VIP: variants seen among roughly 807,000 people sequenced by gnomAD.
The protein encoded by VIP is vasoactive intestinal peptide.
Under a neutral mutation model 20.1 loss-of-function variants are expected in VIP, and 18 were observed. The ratio of observed to expected loss-of-function variants is 0.90; its 90% CI spans 0.62 to 1.33. The LOEUF (loss-of-function observed/expected upper bound fraction) is 1.33. Ranked by LOEUF, VIP falls within the 40% of genes most tolerant of loss-of-function variation. The pLI, the probability that VIP is intolerant of heterozygous loss-of-function variation, is 0.00. For synonymous variants in VIP, 70 were observed against 68.1 expected, an observed-to-expected ratio of 1.03 and a Z score of -0.14; for missense variants, 209 against 199.4, an observed-to-expected ratio of 1.05 and a Z score of -0.29.
In VIP at chr6:152,757,060, G is replaced by C. The variant is rs753270362; in HGVS notation, c.468-36G>C. 6 of 1,605,304 alleles carry C rather than the reference G, an allele frequency of 3.7e-6. No homozygotes were observed. In the South Asian group the frequency reaches 5.5e-5, roughly 15 times the overall value. On this transcript the variant is annotated intron_variant, in intron 5 of 6. Transcript: ENST00000367244. ...TTTCTTTAGACCCTTTCTCATCTGA[G>C]AGCCTTAATATGTACAATGTTTTTC...
At chr6:152,751,688 G>A (rs559743764) in intron 1 of VIP, among the ~76,000 whole-genome samples, 3 of 152,096 alleles carry the variant, frequency 2.0e-5, no homozygotes, top group African/African-American at 4.8e-5. Context: ...AAAATTATAT[G>A]TATATATACA....
At chr6:152,751,078 CA>C (rs2129073964) in intron 1 of VIP, 119 bp downstream of exon 1, 1 of 152,174 alleles carries the variant, frequency 6.6e-6, no homozygotes, top group East Asian at 1.9e-4. Flanking sequence ...TTTGCAACAG[CA>C]AAAAACAAGT....
At chr6:152,756,529 T>G (rs986910276) in intron 5 of VIP, among the ~76,000 whole-genome samples, 1 of 151,962 alleles carries the variant, frequency 6.6e-6, no homozygotes, top group African/African-American at 2.4e-5. Flanking sequence ...CAGTTGACTT[T>G]ACTATGCTGC....
At position 152,755,302 on chromosome 6, in the gene VIP, T is replaced by A; in HGVS notation, c.264T>A (p.Ser88Arg). Reference protein sequence around the residue: ...NARHADGVFTSDFSKLLGQLS... With the variant: ...NARHADGVFTRDFSKLLGQLS... The stretch of plus-strand genomic sequence containing the variant: ...GGCATGCTGATGGAGTTTTCACCAG[T>A]GACTTCAGTAAACTCTTGGGTCAAC... The change falls in exon 4 of 7, where the codon AGT (serine) becomes AGA (arginine). Residue 88 changes from serine (S) to arginine (R), a missense_variant. Physicochemically the swap from Ser to Arg is moderately radical, Grantham distance 110. Coordinates refer to ENST00000367244, the MANE Select transcript of VIP (RefSeq NM_003381.4). 1 of 1,592,458 alleles carries A rather than the reference T, an allele frequency of 6.3e-7. No homozygotes were observed. Among genetic ancestry groups the A allele is most frequent in the Non-Finnish European group, 8.6e-7 (1 of 1,169,554 alleles).
intron 3 of VIP, 95 bp downstream of exon 3, chr6:152,754,383 A>G (rs2099730094): frequency 8.2e-7 from 1 of 1,216,068 alleles, no homozygotes; most frequent in Non-Finnish European, 1.1e-6. Context: ...CCATGAAGCT[A>G]TTCCGATAGC....
chr6:152,755,283 C>A lies in VIP; in HGVS notation c.245C>A (p.Ala82Asp). The change falls in exon 4 of 7, where the codon GCT becomes GAT. Residue 82 changes from alanine (A) to aspartate (D), a missense_variant. By Grantham distance (126) the Ala-to-Asp change is moderately radical. Coordinates refer to ENST00000367244, the MANE Select transcript of VIP (RefSeq NM_003381.4). ...YYDVSRNARH[A>D]DGVFTSDFSK... ...CCTTGTTTTAGAAATGCCAGGCATG[C>A]TGATGGAGTTTTCACCAGTGACTTC... 1 of 1,576,230 alleles carries A rather than the reference C, an allele frequency of 6.3e-7. No individual in the cohort carries two copies. The highest frequency in any genetic ancestry group is 1.2e-5 in the South Asian group (1 of 82,690).
chr6:152,752,228 T>G lies in VIP; in HGVS notation c.51T>G (p.Ser17Arg). The change falls in exon 2 of 7, where the codon AGT becomes AGG. Residue 17 changes from serine (S) to arginine (R), a missense_variant. Ser to Arg is a moderately radical substitution (Grantham distance 110). Coordinates refer to ENST00000367244, the MANE Select transcript of VIP (RefSeq NM_003381.4). ...AQLLVLLTLL[S>R]VLFSQTSAWP... ...TCCTTGTGCTCCTGACTCTTCTCAG[T>G]GTGCTCTTCTCACAGACTTCGGCAT... 6.2e-7 allele frequency: 1 copy of G among 1,613,628 alleles called. No individual in the cohort carries two copies. Among genetic ancestry groups the G allele is most frequent in the Non-Finnish European group, 8.5e-7 (1 of 1,179,660 alleles).
Position 152,750,801 on chromosome 6 carries a change from T to C in VIP, c.-169T>C, listed in dbSNP as rs963757187. ...ATGGGCTTTGAAATGCTGGTCAGGG[T>C]AGAGTGAGAAGCACCAGCAGGCAGT... On this transcript the variant is annotated 5_prime_UTR_variant, in exon 1 of 7. Coordinates refer to ENST00000367244, the MANE Select transcript of VIP (RefSeq NM_003381.4). 4 of 152,134 alleles carry C rather than the reference T, an allele frequency of 2.6e-5. No individual in the cohort carries two copies. The highest frequency in any genetic ancestry group is 2.0e-4 in the Admixed American group (3 of 15,250). The allele number at this position is 152,134 out of a possible 1,614,324, so 9.4% of individuals were successfully genotyped here.
Position 152,757,080 on chromosome 6 carries a change from T to G in VIP, c.468-16T>G, listed in dbSNP as rs747741957. The G allele has an allele frequency of 6.2e-7, 1 of 1,611,350 alleles. No homozygotes were observed. On this transcript the variant is annotated splice_polypyrimidine_tract_variant and intron_variant, in intron 5 of 6. Transcript: ENST00000367244. ...TCTGAGAGCCTTAATATGTACAATG[T>G]TTTTCTGGTCTGCAGCAGTGAGGGA... is the stretch of plus-strand genomic sequence containing the variant.
chr6:152,753,206 T>C (rs1366218505), intron 2 of VIP, among the ~76,000 whole-genome samples: 1 of 152,136 alleles, frequency 6.6e-6, no homozygotes, highest in African/African-American at 2.4e-5. Flanking sequence ...TCTATCTGAA[T>C]AGTTCTACCA....
At position 152,752,185 on chromosome 6, in the gene VIP, C is replaced by T. The variant is rs1281627959; in HGVS notation, c.8C>T (p.Thr3Ile). The T allele has an allele frequency of 1.2e-6, 2 of 1,613,090 alleles. No individual in the cohort carries two copies. Among genetic ancestry groups the T allele is most frequent in the South Asian group, 1.1e-5 (1 of 91,032 alleles). The change falls in exon 2 of 7, where the codon ACC becomes ATC. Residue 3 changes from threonine to isoleucine, a missense_variant. Physicochemically the swap from Thr to Ile is moderately conservative, Grantham distance 89 (BLOSUM62 -1). Transcript: ENST00000367244. MDTRNKAQLLVLL... is the reference protein window; with the variant it reads MDIRNKAQLLVLL... ...CTCTTTAGAGGCACAGAAATGGACA[C>T]CAGAAATAAGGCCCAGCTCCTTGTG...
intron 6 of VIP, among the ~76,000 whole-genome samples, chr6:152,757,865 G>A (rs1360149024): frequency 6.6e-6 from 1 of 151,782 alleles, no homozygotes; most frequent in Non-Finnish European, 1.5e-5. Flanking sequence ...ATAAATGTGG[G>A]TTCAAGACAT....
rs1048207458 is a variant in VIP, at chr6:152,759,328, G to A, written c.*462G>A. 2.0e-5 allele frequency: 3 copies of A among 151,920 alleles called. No homozygotes were observed. The highest frequency in any genetic ancestry group is 4.4e-5 in the Non-Finnish European group (3 of 67,948). 9.4% of individuals were successfully genotyped at this position (151,920 alleles called of 1,614,324 possible). On this transcript the variant is annotated 3_prime_UTR_variant, in exon 7 of 7. Transcript: ENST00000367244. ...GAATGTTAAGCAGATGGAATGCTGTGTTAAATAAACCTCAAAATGTCTAAG... is the reference window on the plus strand; with the variant it reads ...GAATGTTAAGCAGATGGAATGCTGTATTAAATAAACCTCAAAATGTCTAAG...
At position 152,755,272 on chromosome 6, in the gene VIP, T is replaced by C. The variant is rs368188208; in HGVS notation, c.234T>C (p.Asn78=). The change falls in exon 4 of 7, where the codon AAT becomes AAC. Residue 78 remains asparagine, a synonymous_variant. Transcript: ENST00000367244. ...ATTTTTTTCTTCCTTGTTTTAGAAA[T>C]GCCAGGCATGCTGATGGAGTTTTCA... The part of the protein sequence containing the change: ...NDTPYYDVSR[N]ARHADGVFTS... 1.3e-6 allele frequency: 2 copies of C among 1,562,472 alleles called. No individual in the cohort carries two copies. Among genetic ancestry groups the C allele is most frequent in the Non-Finnish European group, 1.7e-6 (2 of 1,157,686 alleles).
chr6:152,754,687 C>T (rs1360780895), intron 3 of VIP, among the ~76,000 whole-genome samples: 3 of 151,934 alleles, frequency 2.0e-5, no homozygotes, highest in African/African-American at 7.2e-5. Context: ...AGCATCATTT[C>T]AAGTACAGAC....
Position 152,757,092 on chromosome 6 carries a change from G to A in VIP, c.468-4G>A, listed in dbSNP as rs777669899. The A allele has an allele frequency of 7.4e-6, 12 of 1,611,516 alleles. No homozygotes were observed. In the African/African-American group the frequency reaches 9.4e-5, roughly 13 times the overall value. On this transcript the variant is annotated splice_region_variant and splice_polypyrimidine_tract_variant and intron_variant, in intron 5 of 6. Coordinates refer to ENST00000367244, the MANE Select transcript of VIP (RefSeq NM_003381.4). ...AATATGTACAATGTTTTTCTGGTCTGCAGCAGTGAGGGAGAATCTCCCGAC... is the reference window on the plus strand; with the variant it reads ...AATATGTACAATGTTTTTCTGGTCTACAGCAGTGAGGGAGAATCTCCCGAC...
chr6:152,755,504 T>C, intron 4 of VIP, 131 bp downstream of exon 4: 1 of 559,756 alleles, frequency 1.8e-6, no homozygotes, highest in Non-Finnish European at 2.9e-6. Flanking sequence ...TTTAGTTAAA[T>C]GAAATAACTT....
rs752990363 is a variant in VIP, at chr6:152,756,191, T to C, written c.393T>C (p.Thr131=). The change falls in exon 5 of 7, where the codon ACT becomes ACC. Residue 131 remains threonine (T), a synonymous_variant. Coordinates refer to ENST00000367244, the MANE Select transcript of VIP (RefSeq NM_003381.4). ...AACGTCACTCAGATGCAGTCTTCAC[T>C]GACAACTATACCCGCCTTAGAAAAC... is the stretch of plus-strand genomic sequence containing the variant. The part of the protein sequence containing the change: ...PVKRHSDAVF[T]DNYTRLRKQM... The C allele has an allele frequency of 4.3e-6, 7 of 1,611,810 alleles. No homozygotes were observed. The African/African-American group carries it at 8.0e-5, about 18-fold the overall frequency.
chr6:152,756,326 G>A, intron 5 of VIP, 61 bp downstream of exon 5: 6 of 1,544,686 alleles, frequency 3.9e-6, no homozygotes, highest in African/African-American at 1.4e-5. Flanking sequence ...AATAGAAGCT[G>A]CACATGGAGA....
Sources: allele counts gnomAD v4.1 joint callset (sites outside exome capture counted in the v4.1 genomes callset), GRCh38; gene constraint gnomAD v4.1.1; transcripts MANE v1.5; gene names NCBI Gene and HGNC (gene_info 2026-07-23, HGNC 2026-07-21).